Variants in KLHL13 observed in about 807,000 individuals in gnomAD.
KLHL13 encodes kelch-like protein 13.
In KLHL13, 10 loss-of-function variants were observed where a neutral mutation model predicts 37.1. The ratio of observed to expected loss-of-function variants is 0.27; its 90% CI spans 0.17 to 0.46. The LOEUF is 0.46. Among genes scored for constraint, KLHL13 ranks in the 20% least tolerant of loss-of-function variants. KLHL13 has a pLI of 1.00. For synonymous variants in KLHL13, 163 were observed against 181.2 expected (o/e 0.90, Z 0.81); for missense variants, 360 against 509.3 (o/e 0.71, Z 2.82).
chrX:117,920,969 A>T (rs1019227874), intron 2 of KLHL13, among the ~76,000 whole-genome samples: 2 of 111,815 alleles, frequency 1.8e-5, no homozygotes, highest in South Asian at 3.8e-4. Flanking sequence ...TTTGTTTGAA[A>T]AAAAACAAAA....
chrX:117,952,753 C>G (rs1222877978), intron 1 of KLHL13, among the ~76,000 whole-genome samples: 1 of 108,743 alleles, frequency 9.2e-6, no homozygotes, highest in African/African-American at 3.4e-5. Context: ...AGGACATGAA[C>G]AGACACTTCT....
intron 1 of KLHL13, among the ~76,000 whole-genome samples, chrX:118,087,314 T>C (rs2055065207): frequency 9.1e-6 from 1 of 110,296 alleles, no homozygotes; most frequent in Non-Finnish European, 1.9e-5. Flanking sequence ...TCAATAGCTT[T>C]ATCAGAAAAA....
rs1400413937 is a variant in KLHL13 at position 118,098,818 on chromosome X, C to T, written c.-56+17690G>A. On this transcript the variant is annotated intron_variant, in intron 1 of 6. Coordinates refer to the KLHL13 transcript ENST00000371882. ...GAAACCATCATTCTCAGCAAACTAC[C>T]GCAAAGACAAAAAACCAAACACCGC... Among the ~76,000 whole-genome samples, 10 of 104,010 alleles carry T rather than the reference C, an allele frequency of 9.6e-5. No homozygotes were observed. The South Asian group carries it at 1.9e-3, about 20-fold the overall frequency. 90.3% of individuals were successfully genotyped at this position (104,010 alleles called of 115,157 possible).
At chrX:118,099,811 AAAGAAAGGAAAGAAGGAAAG>A (rs1225436933) in intron 1 of KLHL13, among the ~76,000 whole-genome samples, 1 of 107,295 alleles carries the variant, frequency 9.3e-6, no homozygotes. Context: ...TGTCACAAAG[AAAGAAAGGAAAGAAGGAAAG>A]AAGAAAGGAA....
At chrX:118,057,169 T>C (rs764043279) in intron 1 of KLHL13, among the ~76,000 whole-genome samples, 153 of 112,008 alleles carry the variant, frequency 1.4e-3, no homozygotes, top group Non-Finnish European at 2.3e-3. Flanking sequence ...TGGAATAGAA[T>C]TGAGAGTCCA....
At chrX:117,940,455 G>C (rs1479046413) in intron 2 of KLHL13, among the ~76,000 whole-genome samples, 2 of 111,751 alleles carry the variant, frequency 1.8e-5, no homozygotes, top group Non-Finnish European at 3.8e-5. Flanking sequence ...GAAATTTAAA[G>C]TAGCTTTTTT....
intron 2 of KLHL13, among the ~76,000 whole-genome samples, chrX:117,924,613 T>TAA (rs1931904727): frequency 1.8e-5 from 2 of 111,909 alleles, no homozygotes; most frequent in African/African-American, 6.5e-5. Flanking sequence ...GTTCAGTTTC[T>TAA]AATTAGTTTT....
chrX:117,900,321 A>G (rs1261706127), intron 6 of KLHL13, among the ~76,000 whole-genome samples: 1 of 112,302 alleles, frequency 8.9e-6, no homozygotes, highest in Non-Finnish European at 1.9e-5. Context: ...GCTTTACAGA[A>G]TTCCCAGAAA....
intron 2 of KLHL13, among the ~76,000 whole-genome samples, chrX:117,943,108 A>G (rs1460836940): frequency 4.5e-5 from 5 of 111,430 alleles, no homozygotes; most frequent in African/African-American, 1.6e-4. Flanking sequence ...TGGATATGAA[A>G]TTCTGGGTTG....
intron 5 of KLHL13, among the ~76,000 whole-genome samples, chrX:117,903,402 G>T (rs756728772): frequency 9.0e-6 from 1 of 111,153 alleles, no homozygotes; most frequent in East Asian, 2.8e-4. Flanking sequence ...CTACTGCTTT[G>T]TTGGCTTTGT....
At chrX:118,044,790 G>T (rs558479756) in intron 1 of KLHL13, among the ~76,000 whole-genome samples, 18 of 111,883 alleles carry the variant, frequency 1.6e-4, no homozygotes, top group South Asian at 3.8e-4. Context: ...ACTTCTAAAA[G>T]AAAACATTGG....
intron 1 of KLHL13, among the ~76,000 whole-genome samples, chrX:117,991,567 C>T (rs1462793393): frequency 9.0e-6 from 1 of 111,065 alleles, no homozygotes; most frequent in African/African-American, 3.3e-5. Context: ...TCAAGGTCCC[C>T]TCAACCCCCA....
At chrX:118,095,661 T>C (rs2055196559) in intron 1 of KLHL13, among the ~76,000 whole-genome samples, 1 of 111,773 alleles carries the variant, frequency 8.9e-6, no homozygotes, top group Admixed American at 9.5e-5. Context: ...CCTCAGCAAA[T>C]GTAAAAGAAC....
intron 1 of KLHL13, among the ~76,000 whole-genome samples, chrX:118,075,405 C>T (rs933851547): frequency 8.9e-6 from 1 of 111,856 alleles, no homozygotes; most frequent in Non-Finnish European, 1.9e-5. Context: ...TGCAGTTGAA[C>T]AAACTGAAGG....
chrX:118,032,127 C>A (rs1388180462), intron 1 of KLHL13, among the ~76,000 whole-genome samples: 2 of 111,497 alleles, frequency 1.8e-5, no homozygotes, highest in Non-Finnish European at 3.8e-5. Flanking sequence ...GCACAGCAGT[C>A]TGAGATCAAA....
At chrX:118,022,591 G>GT (rs1317159299) in intron 1 of KLHL13, among the ~76,000 whole-genome samples, 1 of 111,900 alleles carries the variant, frequency 8.9e-6, no homozygotes, top group Non-Finnish European at 1.9e-5. Flanking sequence ...ATGATGTGAT[G>GT]TTGAGCACCT....
At chrX:118,003,130 G>A (rs2053943709) in intron 1 of KLHL13, among the ~76,000 whole-genome samples, 1 of 112,657 alleles carries the variant, frequency 8.9e-6, no homozygotes, top group African/African-American at 3.2e-5. Flanking sequence ...TGCTAAGGAG[G>A]TCAGACTTTT....
intron 1 of KLHL13, among the ~76,000 whole-genome samples, chrX:118,026,651 T>A (rs1468905710): frequency 8.9e-6 from 1 of 112,015 alleles, no homozygotes; most frequent in East Asian, 2.8e-4. Context: ...GATGAAGCCC[T>A]CAGCAGCAGA....
chrX:118,076,270 TGA>T (rs949507064), intron 1 of KLHL13, among the ~76,000 whole-genome samples: 4 of 111,762 alleles, frequency 3.6e-5, no homozygotes, highest in Non-Finnish European at 7.5e-5. Flanking sequence ...TTAATTCTTC[TGA>T]GAGATTTTTT....
Sources: allele counts gnomAD v4.1 joint callset (sites outside exome capture counted in the v4.1 genomes callset), GRCh38; gene constraint gnomAD v4.1.1; transcripts MANE v1.5; gene names NCBI Gene and HGNC (gene_info 2026-07-23, HGNC 2026-07-21).